Variants in SULT6B1 observed in about 807,000 individuals in gnomAD.
The protein encoded by SULT6B1 is sulfotransferase family 6B member 1.
SULT6B1 carries 44 observed loss-of-function variants against 37.2 expected under a neutral mutation model. The ratio of observed to expected loss-of-function variants is 1.18; its 90% CI spans 0.93 to 1.52. The LOEUF (loss-of-function observed/expected upper bound fraction) is 1.52, where lower values mean the gene tolerates loss of function less well. Among genes scored for constraint, SULT6B1 ranks in the 40% most tolerant of loss-of-function variants. The probability of loss-of-function intolerance (pLI) is 0.00; values close to 1 mark genes in which losing one functional copy is unlikely to be tolerated. For synonymous variants in SULT6B1, 140 were observed against 126.0 expected (o/e 1.11, Z -0.74); for missense variants, 450 against 361.0 (o/e 1.25, Z -2.00).
rs146552993 is a variant in SULT6B1 at position 37,187,495 on chromosome 2, T to A, written c.200-28A>T. 209 of 1,413,976 alleles carry A rather than the reference T, an allele frequency of 1.5e-4. No individual in the cohort carries two copies. In the East Asian group the frequency reaches 4.1e-3, roughly 27 times the overall value. The allele number at this position is 1,413,976 out of a possible 1,614,324, so 87.6% of individuals were successfully genotyped here. ...ATCAGAAAAATCAGAGAATAAAAACTCATTACGGAGTCTTGATATAACAAA... is the reference window on the plus strand; with the variant it reads ...ATCAGAAAAATCAGAGAATAAAAACACATTACGGAGTCTTGATATAACAAA... On this transcript the variant is annotated intron_variant, in intron 1 of 6. Coordinates refer to ENST00000535679, the MANE Select transcript of SULT6B1 (RefSeq NM_001367551.1).
intron 6 of SULT6B1, among the ~76,000 whole-genome samples, chr2:37,169,815 A>G (rs541244633): frequency 6.6e-6 from 1 of 152,240 alleles, no homozygotes; most frequent in African/African-American, 2.4e-5. Flanking sequence ...TGTTTTTTAC[A>G]ATAAAATTTA....
At chr2:37,180,702 G>T (rs1217259453) in intron 3 of SULT6B1, among the ~76,000 whole-genome samples, 1 of 152,158 alleles carries the variant, frequency 6.6e-6, no homozygotes, top group Non-Finnish European at 1.5e-5. Context: ...TGGCCAACAT[G>T]GGGAAACCCT....
intron 6 of SULT6B1, 44 bp downstream of exon 6, chr2:37,171,390 C>G: frequency 2.5e-6 from 4 of 1,580,840 alleles, no homozygotes; most frequent in Non-Finnish European, 3.4e-6. Context: ...TGTGCAAAGT[C>G]AGTCCCTAAC....
chr2:37,190,786 A>G (rs1021260699), upstream of SULT6B1, among the ~76,000 whole-genome samples: 2 of 152,156 alleles, frequency 1.3e-5, no homozygotes, highest in South Asian at 2.1e-4. Flanking sequence ...GTTTCAACGG[A>G]TATCTTGGGT....
intron 4 of SULT6B1, among the ~76,000 whole-genome samples, chr2:37,179,238 G>A (rs547686977): frequency 4.6e-5 from 7 of 152,300 alleles, no homozygotes; most frequent in Admixed American, 6.5e-5. Flanking sequence ...GATTACAGGC[G>A]TGAGCCACCA....
intron 3 of SULT6B1, among the ~76,000 whole-genome samples, chr2:37,180,975 C>T (rs1676537022): frequency 1.3e-5 from 2 of 152,142 alleles, no homozygotes; most frequent in African/African-American, 4.8e-5. Context: ...CCCTTCCACT[C>T]TCTTGGCTGG....
At chr2:37,173,100 G>A (rs1676341927) in intron 5 of SULT6B1, among the ~76,000 whole-genome samples, 1 of 151,828 alleles carries the variant, frequency 6.6e-6, no homozygotes, top group Admixed American at 6.6e-5. Context: ...TGATCCACCT[G>A]CCTCGGCCTC....
At chr2:37,193,324 T>C (rs1572469884), upstream of SULT6B1, among the ~76,000 whole-genome samples, 1 of 146,606 alleles carries the variant, frequency 6.8e-6, no homozygotes, top group Non-Finnish European at 1.5e-5. Context: ...TTGCCAGGTG[T>C]GGCGGTGCGT....
chr2:37,181,173 T>A (rs1308812899), intron 3 of SULT6B1, among the ~76,000 whole-genome samples: 2 of 152,154 alleles, frequency 1.3e-5, no homozygotes, highest in East Asian at 3.9e-4. Context: ...GTCTTGTACT[T>A]AGATCTAACA....
At chr2:37,193,642 G>GAAGAAT (rs1558454968), upstream of SULT6B1, among the ~76,000 whole-genome samples, 51 of 150,552 alleles carry the variant, frequency 3.4e-4, no homozygotes, top group East Asian at 4.8e-3. Flanking sequence ...AGAAGAAGAA[G>GAAGAAT]AAGAAGAAGG....
intron 4 of SULT6B1, among the ~76,000 whole-genome samples, chr2:37,175,997 A>AT (rs1676418194): frequency 6.6e-6 from 1 of 152,192 alleles, no homozygotes; most frequent in Non-Finnish European, 1.5e-5. Flanking sequence ...AAAATGAGAA[A>AT]TTTAGTTCCT....
At chr2:37,171,300 C>T (rs1053212669) in intron 6 of SULT6B1, 134 bp downstream of exon 6, 1 of 1,017,258 alleles carries the variant, frequency 9.8e-7, no homozygotes, top group Non-Finnish European at 1.4e-6. Flanking sequence ...TCTGGAGAGC[C>T]TGTGTCCAGA....
At chr2:37,173,267 T>G (rs1159269400) in intron 5 of SULT6B1, among the ~76,000 whole-genome samples, 1 of 152,206 alleles carries the variant, frequency 6.6e-6, no homozygotes, top group South Asian at 2.1e-4. Flanking sequence ...CACAGGATTC[T>G]GCTTTCCTTC....
rs1440081881 is a variant in SULT6B1 at position 37,188,468 on chromosome 2, A to G, written c.173T>C (p.Ile58Thr). ...LDTFEARHDD[I>T]VLASYPKCGS... ...GCACTTTGGATAAGATGCTAGCACG[A>G]TGTCATCATGTCTGGCTTCGAAGGT... The change falls in exon 1 of 7, where the codon ATC becomes ACC. Residue 58 changes from isoleucine to threonine, a missense_variant. Ile to Thr is a moderately conservative substitution (Grantham distance 89). Coordinates refer to ENST00000535679, the MANE Select transcript of SULT6B1 (RefSeq NM_001367551.1). 12 of 1,613,892 alleles carry G rather than the reference A, an allele frequency of 7.4e-6. No individual in the cohort carries two copies. The highest frequency in any genetic ancestry group is 1.3e-5 in the African/African-American group (1 of 74,924).
chr2:37,182,032 T>C (rs1284463272), intron 3 of SULT6B1, among the ~76,000 whole-genome samples: 1 of 152,156 alleles, frequency 6.6e-6, no homozygotes, highest in African/African-American at 2.4e-5. Flanking sequence ...TATTTTCCCA[T>C]TTTAAGCTAC....
intron 5 of SULT6B1, among the ~76,000 whole-genome samples, chr2:37,174,320 T>C (rs1257887266): frequency 2.1e-5 from 3 of 141,606 alleles, no homozygotes; most frequent in Non-Finnish European, 3.1e-5. Flanking sequence ...CTGCAGCCTC[T>C]ACCTCTTAGG....
intron 2 of SULT6B1, 129 bp downstream of exon 2, chr2:37,187,226 G>C: frequency 3.2e-6 from 2 of 628,662 alleles, no homozygotes. Flanking sequence ...CTGAGGATAT[G>C]GTAAGCACAC....
intron 1 of SULT6B1, among the ~76,000 whole-genome samples, chr2:37,193,735 C>A (rs1378265081): frequency 6.6e-6 from 1 of 151,996 alleles, no homozygotes; most frequent in African/African-American, 2.4e-5. Context: ...GAATGGACAG[C>A]AAACCTAGTA....
Position 37,195,577 on chromosome 2 carries a change from T to C in SULT6B1, c.-22+939A>G, listed in dbSNP as rs116741409. 4.2e-3 allele frequency among the ~76,000 whole-genome samples: 639 copies of C among 152,284 alleles called. 5 individuals are homozygous for C. The highest frequency in any genetic ancestry group is 0.015 in the African/African-American group (619 of 41,554). ...TTCCTCGGATTAGAAGCAAGGCCCTTATCATTGTGTACTTTCCATCAGTTA... is the reference window on the plus strand; with the variant it reads ...TTCCTCGGATTAGAAGCAAGGCCCTCATCATTGTGTACTTTCCATCAGTTA... On this transcript the variant is annotated intron_variant, in intron 1 of 7. Transcript: ENST00000407963.
Sources: allele counts gnomAD v4.1 joint callset (sites outside exome capture counted in the v4.1 genomes callset), GRCh38; gene constraint gnomAD v4.1.1; transcripts MANE v1.5; gene names NCBI Gene and HGNC (gene_info 2026-07-23, HGNC 2026-07-21).